Variants in RIMS1 observed in about 807,000 individuals in gnomAD.
The protein encoded by RIMS1 is regulating synaptic membrane exocytosis protein 1.
Under a neutral mutation model 214.1 loss-of-function variants are expected in RIMS1, and 83 were observed. That is an observed-to-expected ratio of 0.39 (90% CI 0.32 to 0.47). RIMS1 has a LOEUF of 0.47. Ranked by LOEUF, RIMS1 falls within the 20% of genes least tolerant of loss-of-function variation. RIMS1 has a pLI of 0.99. For synonymous variants in RIMS1, 793 were observed against 786.8 expected (o/e 1.01, Z -0.13); for missense variants, 2,050 against 2,161.8 (o/e 0.95, Z 1.03).
At chr6:72,372,837 A>C (rs2098261740) in intron 29 of RIMS1, among the ~76,000 whole-genome samples, 1 of 152,232 alleles carries the variant, frequency 6.6e-6, no homozygotes, top group African/African-American at 2.4e-5. Flanking sequence ...GGAGATGCTA[A>C]AGTCACTGGA....
intron 1 of RIMS1, among the ~76,000 whole-genome samples, chr6:71,936,326 CAAAAAAAAAAAAA>C (rs4034728): frequency 1.3e-4 from 9 of 68,700 alleles, no homozygotes; most frequent in African/African-American, 2.4e-4. Flanking sequence ...GACTCCGTCT[CAAAAAAAAAAAAA>C]AAAAAAAAAA....
At chr6:72,093,212 A>G (rs1039182478) in intron 2 of RIMS1, among the ~76,000 whole-genome samples, 1 of 145,254 alleles carries the variant, frequency 6.9e-6, no homozygotes, top group Non-Finnish European at 1.5e-5. Context: ...GTATGTGAGT[A>G]TATATATATA....
intron 1 of RIMS1, among the ~76,000 whole-genome samples, chr6:71,960,310 A>G (rs1236743711): frequency 6.6e-6 from 1 of 152,118 alleles, no homozygotes; most frequent in Non-Finnish European, 1.5e-5. Flanking sequence ...AGTGGTTTTC[A>G]ATGGGGCACA....
chr6:72,342,665 A>C (rs2097135763), intron 29 of RIMS1, among the ~76,000 whole-genome samples: 2 of 150,810 alleles, frequency 1.3e-5, no homozygotes, highest in Admixed American at 1.3e-4. Context: ...GTGGGCATGC[A>C]TGTTTCAGAA....
At chr6:72,109,509 G>A (rs2153817981) in intron 4 of RIMS1, among the ~76,000 whole-genome samples, 1 of 152,158 alleles carries the variant, frequency 6.6e-6, no homozygotes, top group East Asian at 1.9e-4. Flanking sequence ...CTTTTGAGAA[G>A]TGTCTGTTCA....
intron 2 of RIMS1, among the ~76,000 whole-genome samples, chr6:71,971,440 A>G (rs1012737986): frequency 6.6e-6 from 1 of 152,250 alleles, no homozygotes; most frequent in Non-Finnish European, 1.5e-5. Context: ...TTGATTGCCA[A>G]TTGAATATGG....
intron 28 of RIMS1, among the ~76,000 whole-genome samples, chr6:72,321,079 A>G (rs1415369621): frequency 6.6e-6 from 1 of 152,084 alleles, no homozygotes. Flanking sequence ...CTTATGCAGC[A>G]TAATGAATAA....
intron 6 of RIMS1, among the ~76,000 whole-genome samples, chr6:72,220,502 A>T (rs554373027): frequency 6.6e-6 from 1 of 152,202 alleles, no homozygotes; most frequent in African/African-American, 2.4e-5. Flanking sequence ...TGGTAGAAAA[A>T]GTCCTGCCTA....
intron 1 of RIMS1, among the ~76,000 whole-genome samples, chr6:71,904,015 A>G (rs1774538283): frequency 6.6e-6 from 1 of 152,066 alleles, no homozygotes; most frequent in African/African-American, 2.4e-5. Flanking sequence ...TCTTTCATCT[A>G]GTCAGTTTAT....
chr6:72,139,873 C>G (rs1470595501), intron 4 of RIMS1, among the ~76,000 whole-genome samples: 1 of 152,008 alleles, frequency 6.6e-6, no homozygotes, highest in Non-Finnish European at 1.5e-5. Context: ...TCCAAATCAC[C>G]TAAACAAATT....
intron 26 of RIMS1, among the ~76,000 whole-genome samples, chr6:72,293,690 A>T (rs1362050449): frequency 6.6e-6 from 1 of 151,872 alleles, no homozygotes; most frequent in Admixed American, 6.6e-5. Flanking sequence ...TGAGATTCTG[A>T]TTACATTATT....
At chr6:72,242,560 G>A (rs2067408036) in intron 10 of RIMS1, 123 bp downstream of exon 10, 2 of 633,674 alleles carry the variant, frequency 3.2e-6, no homozygotes, top group African/African-American at 1.9e-5. Context: ...TCAATTATGG[G>A]CATACATTTT....
intron 4 of RIMS1, among the ~76,000 whole-genome samples, chr6:72,164,329 T>C (rs2045948175): frequency 6.6e-6 from 1 of 152,150 alleles, no homozygotes; most frequent in Non-Finnish European, 1.5e-5. Context: ...CCCTGATCCC[T>C]TGTGCTTCCT....
intron 6 of RIMS1, among the ~76,000 whole-genome samples, chr6:72,213,919 A>G (rs1404162030): frequency 6.6e-6 from 1 of 152,244 alleles, no homozygotes; most frequent in Non-Finnish European, 1.5e-5. Context: ...TGTGAAATAT[A>G]TAACCCAGAA....
chr6:72,267,702 T>C lies in RIMS1; in HGVS notation c.3398+1653T>C, dbSNP rs545038465. ...GGACAGTGCAGGTCTATTCTTATGGTGAGCCTGTCTAGCATATGTTCCCTT... is the reference window on the plus strand; with the variant it reads ...GGACAGTGCAGGTCTATTCTTATGGCGAGCCTGTCTAGCATATGTTCCCTT... On this transcript the variant is annotated intron_variant, in intron 22 of 33. Transcript: ENST00000521978. Among the ~76,000 whole-genome samples the C allele has an allele frequency of 1.5e-3, 226 of 152,256 alleles. 2 individuals carry two copies. The highest frequency in any genetic ancestry group is 5.3e-3 in the African/African-American group (221 of 41,556).
intron 2 of RIMS1, among the ~76,000 whole-genome samples, chr6:71,990,971 C>G (rs1352697792): frequency 6.6e-6 from 1 of 152,120 alleles, no homozygotes; most frequent in Non-Finnish European, 1.5e-5. Context: ...AATTCTGTCA[C>G]ATCTAAGAAG....
intron 1 of RIMS1, among the ~76,000 whole-genome samples, chr6:71,892,633 C>T (rs188957829): frequency 2.4e-4 from 37 of 152,198 alleles, no homozygotes; most frequent in Admixed American, 3.9e-4. Flanking sequence ...TCCCACCATT[C>T]CACCTAACCA....
chr6:71,945,296 C>T (rs533118418), intron 1 of RIMS1, among the ~76,000 whole-genome samples: 63 of 152,224 alleles, frequency 4.1e-4, no homozygotes, highest in African/African-American at 1.5e-3. Flanking sequence ...TTGAGGGTTG[C>T]AGCTCTCAGT....
intron 4 of RIMS1, among the ~76,000 whole-genome samples, chr6:72,113,162 C>T (rs1378203278): frequency 6.6e-6 from 1 of 152,144 alleles, no homozygotes; most frequent in Non-Finnish European, 1.5e-5. Flanking sequence ...CCCTCACCCA[C>T]TTCACCCCCA....
Sources: allele counts gnomAD v4.1 joint callset (sites outside exome capture counted in the v4.1 genomes callset), GRCh38; gene constraint gnomAD v4.1.1; transcripts MANE v1.5; gene names NCBI Gene and HGNC (gene_info 2026-07-23, HGNC 2026-07-21).